HIPK3: variants seen among roughly 807,000 people sequenced by gnomAD.
The protein encoded by HIPK3 is homeodomain interacting protein kinase 3.
In HIPK3, 47 loss-of-function variants were observed where a neutral mutation model predicts 124.2. That is an observed-to-expected ratio of 0.38 (90% CI 0.30 to 0.48). The LOEUF (loss-of-function observed/expected upper bound fraction) is 0.48, where lower values mean the gene tolerates loss of function less well. Among genes scored for constraint, HIPK3 ranks in the 20% least tolerant of loss-of-function variants. The probability of loss-of-function intolerance (pLI) is 0.98; values close to 1 mark genes in which losing one functional copy is unlikely to be tolerated. For missense variants in HIPK3, 1,286 were observed against 1,454.3 expected (o/e 0.88, Z 1.88); for synonymous variants, 482 against 515.2 (o/e 0.94, Z 0.87).
chr11:33,336,686 C>T (rs1853158942), intron 3 of HIPK3, among the ~76,000 whole-genome samples: 1 of 152,152 alleles, frequency 6.6e-6, no homozygotes, highest in African/African-American at 2.4e-5. Context: ...GTTAGTGACC[C>T]TCTGTACTTC....
chr11:33,297,314 G>C (rs1851868433), intron 2 of HIPK3, among the ~76,000 whole-genome samples: 1 of 152,114 alleles, frequency 6.6e-6, no homozygotes, highest in Non-Finnish European at 1.5e-5. Flanking sequence ...GGCTGGTCTT[G>C]AACCCTTGAC....
rs1267337584 is a variant in HIPK3, at chr11:33,286,732, A to T, written c.318A>T (p.Ala106=). The T allele has an allele frequency of 3.1e-6, 5 of 1,614,072 alleles. No individual in the cohort carries two copies. Among genetic ancestry groups the T allele is most frequent in the Non-Finnish European group, 4.2e-6 (5 of 1,180,004 alleles). The change falls in exon 2 of 17, where the codon GCA becomes GCT. Residue 106 remains alanine, a synonymous_variant. Coordinates refer to ENST00000303296, the MANE Select transcript of HIPK3 (RefSeq NM_005734.5). ...AAQAQQAHVQ[A]PQIGAWRNRL... is the part of the protein sequence containing the mutation. Reference sequence around the variant, plus strand: ...AGGCACAGCAAGCTCACGTGCAGGCACCTCAGATTGGGGCGTGGCGAAACA... The same window carrying T: ...AGGCACAGCAAGCTCACGTGCAGGCTCCTCAGATTGGGGCGTGGCGAAACA...
At chr11:33,280,224 A>G (rs893033341) in intron 1 of HIPK3, among the ~76,000 whole-genome samples, 42 of 152,336 alleles carry the variant, frequency 2.8e-4, no homozygotes, top group African/African-American at 9.4e-4. Context: ...AACAATTGGC[A>G]GGGTCATGAA....
chr11:33,332,048 C>T (rs573848925), intron 3 of HIPK3, among the ~76,000 whole-genome samples: 20 of 152,112 alleles, frequency 1.3e-4, no homozygotes, highest in African/African-American at 4.1e-4. Flanking sequence ...CACGAGCCAC[C>T]GCGCCTGGCC....
At chr11:33,333,474 A>G (rs151052714) in intron 3 of HIPK3, among the ~76,000 whole-genome samples, 27 of 152,302 alleles carry the variant, frequency 1.8e-4, no homozygotes, top group Admixed American at 5.2e-4. Flanking sequence ...GACATAGTTA[A>G]TCTGATTGAC....
intron 3 of HIPK3, among the ~76,000 whole-genome samples, chr11:33,334,762 C>G (rs1853089852): frequency 6.6e-6 from 1 of 152,142 alleles, no homozygotes; most frequent in Admixed American, 6.5e-5. Context: ...CAAGCTTGCT[C>G]TAGGCAGTAA....
At position 33,258,800 on chromosome 11, in the gene HIPK3, C is replaced by T. The variant is rs958574788; in HGVS notation, c.-3+911C>T. 1.7e-5 allele frequency: 15 copies of T among 871,816 alleles called. No homozygotes were observed. The Admixed American group carries it at 4.3e-4, about 25-fold the overall frequency. 54.0% of individuals were successfully genotyped at this position (871,816 alleles called of 1,614,324 possible). ...TGGACTTGTTACAGAGTAGTCGTAACACGTTCAGGCCTTGAACCGTGTTTT... is the reference window on the plus strand; with the variant it reads ...TGGACTTGTTACAGAGTAGTCGTAATACGTTCAGGCCTTGAACCGTGTTTT... On this transcript the variant is annotated intron_variant, in intron 1 of 16. Coordinates refer to ENST00000303296, the MANE Select transcript of HIPK3 (RefSeq NM_005734.5).
At chr11:33,349,820 G>T (rs1853604552) in intron 14 of HIPK3, among the ~76,000 whole-genome samples, 1 of 152,116 alleles carries the variant, frequency 6.6e-6, no homozygotes, top group African/African-American at 2.4e-5. Flanking sequence ...AGGCTGGAGT[G>T]CAATGGTGTG....
chr11:33,305,863 T>G (rs559140044), intron 2 of HIPK3, among the ~76,000 whole-genome samples: 232 of 152,196 alleles, frequency 1.5e-3, no homozygotes, highest in African/African-American at 3.9e-3. Context: ...ATTTTTTTTT[T>G]GGAGACAGAG....
At chr11:33,290,307 T>G (rs551289397) in intron 2 of HIPK3, among the ~76,000 whole-genome samples, 1 of 152,316 alleles carries the variant, frequency 6.6e-6, no homozygotes, top group Admixed American at 6.5e-5. Flanking sequence ...ATTAGATATC[T>G]GTGCTCCGCA....
chr11:33,258,342 G>A (rs1850727715), intron 1 of HIPK3: 3 of 985,560 alleles, frequency 3.0e-6, no homozygotes, highest in Non-Finnish European at 3.6e-6. Context: ...TCATTAAGGG[G>A]AACAAACAAA....
chr11:33,353,114 A>C lies in HIPK3; in HGVS notation c.3194A>C (p.His1065Pro), dbSNP rs1436015891. ...TAGGTTCAGCACTTTGGATCTGGGCATCAAGAGTGGAATGGAAACTTTGGG... is the reference window on the plus strand; with the variant it reads ...TAGGTTCAGCACTTTGGATCTGGGCCTCAAGAGTGGAATGGAAACTTTGGG... Reference protein sequence around the residue: ...FSQVQHFGSGHQEWNGNFGHR... With the variant: ...FSQVQHFGSGPQEWNGNFGHR... The change falls in exon 17 of 17, where the codon CAT (histidine) becomes CCT (proline). Residue 1065 changes from histidine (H) to proline (P), a missense_variant. By Grantham distance (77) the His-to-Pro change is moderately conservative (BLOSUM62 -2). This residue lies in a region of HIPK3 where 810 missense variants were observed against 864.9 expected (regional missense o/e 0.94). Transcript: ENST00000303296. The C allele has an allele frequency of 1.2e-6, 2 of 1,610,974 alleles. No individual in the cohort carries two copies. Among genetic ancestry groups the C allele is most frequent in the East Asian group, 2.2e-5 (1 of 44,836 alleles).
chr11:33,294,387 A>G (rs939973220), intron 2 of HIPK3, among the ~76,000 whole-genome samples: 1 of 151,848 alleles, frequency 6.6e-6, no homozygotes, highest in African/African-American at 2.4e-5. Context: ...TAGTTTTATC[A>G]ATCATTCTCT....
intron 2 of HIPK3, among the ~76,000 whole-genome samples, chr11:33,320,756 G>A (rs111782087): frequency 2.0e-4 from 30 of 152,306 alleles, no homozygotes; most frequent in African/African-American, 6.3e-4. Flanking sequence ...CAGAATTGTC[G>A]TTTACTGACA....
At chr11:33,347,787 T>G (rs1565098321) in intron 10 of HIPK3, 34 bp downstream of exon 10, 1 of 1,613,118 alleles carries the variant, frequency 6.2e-7, no homozygotes, top group Middle Eastern at 1.7e-4. Flanking sequence ...TGTGAATAGT[T>G]TGCAGACTAG....
intron 2 of HIPK3, among the ~76,000 whole-genome samples, chr11:33,309,810 G>A (rs1852269342): frequency 6.6e-6 from 1 of 152,186 alleles, no homozygotes; most frequent in Admixed American, 6.5e-5. Flanking sequence ...ACTTCAGCAT[G>A]TGTATCATAA....
In HIPK3 at chr11:33,347,893, C is replaced by T. The variant is rs55807239; in HGVS notation, c.2186C>T (p.Pro729Leu). ...AGCAATCATTATAACTCAGTGATGC[C>T]GCAGCCTCTTCTGACCAATCAGATA... ...SCSNHYNSVM[P>L]QPLLTNQITL... The change falls in exon 11 of 17, where the codon CCG (proline) becomes CTG (leucine). Residue 729 changes from proline to leucine, a missense_variant. Transcript: ENST00000303296. 73 of 1,614,102 alleles carry T rather than the reference C, an allele frequency of 4.5e-5. 1 individual carries two copies. Among genetic ancestry groups the T allele is most frequent in the South Asian group, 1.9e-4 (17 of 91,078 alleles).
intron 1 of HIPK3, among the ~76,000 whole-genome samples, chr11:33,275,116 T>C (rs762500160): frequency 1.3e-4 from 20 of 152,120 alleles, no homozygotes; most frequent in Non-Finnish European, 2.4e-4. Flanking sequence ...CTTGAGTCAC[T>C]GCAGCCTCCG....
chr11:33,327,630 C>A (rs1852851295), intron 2 of HIPK3, among the ~76,000 whole-genome samples: 1 of 152,100 alleles, frequency 6.6e-6, no homozygotes, highest in South Asian at 2.1e-4. Flanking sequence ...TTTGTAGGAA[C>A]TATAAAGTAT....
Sources: gnomAD v4.1 joint callset for allele counts (sites outside exome capture counted in the v4.1 genomes callset) on GRCh38, gnomAD v4.1.1 for gene constraint, gnomAD v4.1.1 regional missense constraint, MANE v1.5 for transcripts, NCBI Gene and HGNC (gene_info 2026-07-23, HGNC 2026-07-21) for gene names.